TNFRSF19: variants seen among roughly 807,000 people sequenced by gnomAD.
TNFRSF19 encodes tumor necrosis factor receptor superfamily member 19.
A neutral mutation model predicts 46.4 loss-of-function variants in TNFRSF19; 27 were observed. That is an observed-to-expected ratio of 0.58 (90% CI 0.43 to 0.80). The LOEUF is 0.80. Ranked by LOEUF, TNFRSF19 falls within the 30% of genes least tolerant of loss-of-function variation. The probability of loss-of-function intolerance (pLI) is 0.00; values close to 1 mark genes in which losing one functional copy is unlikely to be tolerated. For missense variants in TNFRSF19, 511 were observed against 530.8 expected, an observed-to-expected ratio of 0.96 and a Z score of 0.37; for synonymous variants, 204 against 205.0, an observed-to-expected ratio of 1.00 and a Z score of 0.04.
At chr13:23,635,982 C>T (rs1017338914) in intron 5 of TNFRSF19, among the ~76,000 whole-genome samples, 4 of 152,196 alleles carry the variant, frequency 2.6e-5, no homozygotes, top group Admixed American at 2.6e-4. Context: ...CAGAACATTT[C>T]TGTCACCCTC....
intron 5 of TNFRSF19, among the ~76,000 whole-genome samples, chr13:23,631,718 A>G (rs1312018986): frequency 2.0e-5 from 3 of 152,238 alleles, no homozygotes. Context: ...TTTGAAATCA[A>G]TACAGGTTTC....
intron 3 of TNFRSF19, among the ~76,000 whole-genome samples, chr13:23,614,735 G>A (rs1881142244): frequency 1.0e-5 from 1 of 100,026 alleles, no homozygotes; most frequent in South Asian, 4.0e-4. Flanking sequence ...GCTTCCTGTG[G>A]ATAAGTAATA....
intron 1 of TNFRSF19, among the ~76,000 whole-genome samples, chr13:23,584,768 A>G (rs1432367682): frequency 6.6e-6 from 1 of 152,178 alleles, no homozygotes; most frequent in Non-Finnish European, 1.5e-5. Flanking sequence ...TTTGAAAAAG[A>G]GAAACCATTC....
chr13:23,590,074 G>A, intron 1 of TNFRSF19, 76 bp from the exon 2 acceptor site: 1 of 647,374 alleles, frequency 1.5e-6, no homozygotes, highest in Non-Finnish European at 2.6e-6. Flanking sequence ...ATAGTAAGTG[G>A]TAGATATTAT....
At chr13:23,586,119 G>A (rs1379403411) in intron 1 of TNFRSF19, among the ~76,000 whole-genome samples, 1 of 151,876 alleles carries the variant, frequency 6.6e-6, no homozygotes, top group African/African-American at 2.4e-5. Context: ...TTATCCGGGC[G>A]CAGTGGCGGG....
At chr13:23,624,204 T>C (rs775509541) in intron 4 of TNFRSF19, among the ~76,000 whole-genome samples, 6 of 152,218 alleles carry the variant, frequency 3.9e-5, no homozygotes, top group Non-Finnish European at 8.8e-5. Context: ...CATGACGGTT[T>C]ACTTCTGGGA....
At chr13:23,609,528 G>A (rs1395741494) in intron 3 of TNFRSF19, among the ~76,000 whole-genome samples, 8 of 152,126 alleles carry the variant, frequency 5.3e-5, no homozygotes, top group Admixed American at 5.2e-4. Flanking sequence ...CTTGTAACAC[G>A]ATCGCCTCGC....
chr13:23,602,110 T>C (rs1440803921), intron 3 of TNFRSF19, among the ~76,000 whole-genome samples: 1 of 152,168 alleles, frequency 6.6e-6, no homozygotes, highest in East Asian at 1.9e-4. Context: ...GATCCAACTC[T>C]GTGGTCTACA....
At position 23,675,452 on chromosome 13, in the gene TNFRSF19, C is replaced by T. The variant is rs1347429002; in HGVS notation, c.*2072C>T. The T allele has an allele frequency of 1.3e-5, 2 of 152,180 alleles. No individual in the cohort carries two copies. Among genetic ancestry groups the T allele is most frequent in the Non-Finnish European group, 2.9e-5 (2 of 68,026 alleles). The allele number at this position is 152,180 out of a possible 1,614,324, so 9.4% of individuals were successfully genotyped here. ...GAGACTTTGGCCAAAAATCCCAAAACATCATTTTCAATCAGTAGAGAAGTG... is the reference window on the plus strand; with the variant it reads ...GAGACTTTGGCCAAAAATCCCAAAATATCATTTTCAATCAGTAGAGAAGTG... On this transcript the variant is annotated 3_prime_UTR_variant, in exon 10 of 10. Transcript: ENST00000248484.
chr13:23,609,503 A>T (rs1880746822), intron 3 of TNFRSF19, among the ~76,000 whole-genome samples: 1 of 152,158 alleles, frequency 6.6e-6, no homozygotes, highest in Non-Finnish European at 1.5e-5. Flanking sequence ...CACTCGTATT[A>T]ATGCCAACAG....
At chr13:23,593,799 G>A (rs917787097) in intron 3 of TNFRSF19, among the ~76,000 whole-genome samples, 6 of 152,208 alleles carry the variant, frequency 3.9e-5, no homozygotes, top group Non-Finnish European at 8.8e-5. Context: ...AAAGCATTGT[G>A]TGGTGGCTAG....
At chr13:23,629,023 AT>A (rs1882182036) in intron 5 of TNFRSF19, among the ~76,000 whole-genome samples, 1 of 150,664 alleles carries the variant, frequency 6.6e-6, no homozygotes, top group African/African-American at 2.4e-5. Context: ...CTCAAAAGAG[AT>A]TTTGGAGTCT....
chr13:23,635,583 T>G (rs962317878), intron 5 of TNFRSF19, among the ~76,000 whole-genome samples: 1 of 152,132 alleles, frequency 6.6e-6, no homozygotes, highest in Non-Finnish European at 1.5e-5. Flanking sequence ...TTCACTATGT[T>G]GGCCACGCTG....
chr13:23,666,192 C>T (rs8001054), intron 7 of TNFRSF19, among the ~76,000 whole-genome samples: 73,780 of 151,888 alleles, frequency 0.49, 18,205 homozygotes, highest in Middle Eastern at 0.54. Context: ...ATAAAATGTC[C>T]GCTGTTCTCT....
intron 3 of TNFRSF19, among the ~76,000 whole-genome samples, chr13:23,605,190 C>A (rs780350093): frequency 3.9e-5 from 6 of 152,056 alleles, no homozygotes; most frequent in Non-Finnish European, 8.8e-5. Context: ...ACACAGATGG[C>A]AAATAAGCAT....
At chr13:23,635,590 G>A (rs1882629124) in intron 5 of TNFRSF19, among the ~76,000 whole-genome samples, 1 of 152,052 alleles carries the variant, frequency 6.6e-6, no homozygotes. Context: ...TGTTGGCCAC[G>A]CTGGTCTTGA....
intron 5 of TNFRSF19, among the ~76,000 whole-genome samples, chr13:23,649,066 G>A (rs931874642): frequency 6.6e-6 from 1 of 152,080 alleles, no homozygotes; most frequent in African/African-American, 2.4e-5. Context: ...TCTGGCTTTG[G>A]CATGCAGTAA....
chr13:23,607,492 C>T (rs549574548), intron 3 of TNFRSF19, among the ~76,000 whole-genome samples: 18 of 152,234 alleles, frequency 1.2e-4, no homozygotes, highest in Non-Finnish European at 2.2e-4. Flanking sequence ...AAACAAGTCT[C>T]AGGGCCCTTT....
At chr13:23,667,136 T>C (rs1951650806) in intron 7 of TNFRSF19, among the ~76,000 whole-genome samples, 1 of 60,662 alleles carries the variant, frequency 1.6e-5, no homozygotes, top group African/African-American at 6.5e-5. Context: ...TATATATATA[T>C]ATATGTATGT....
Sources: allele counts gnomAD v4.1 joint callset (sites outside exome capture counted in the v4.1 genomes callset), GRCh38; gene constraint gnomAD v4.1.1; transcripts MANE v1.5; gene names NCBI Gene and HGNC (gene_info 2026-07-23, HGNC 2026-07-21).